LUZP2: variants seen among roughly 807,000 people sequenced by gnomAD.
LUZP2 encodes leucine zipper protein 2.
Under a neutral mutation model 51.6 loss-of-function variants are expected in LUZP2, and 52 were observed. The ratio of observed to expected loss-of-function variants is 1.01; its 90% CI spans 0.81 to 1.27. LUZP2 has a LOEUF of 1.27. Among genes scored for constraint, LUZP2 ranks in the 50% most tolerant of loss-of-function variants. LUZP2 has a pLI of 0.00. For synonymous variants in LUZP2, 154 were observed against 137.3 expected, an observed-to-expected ratio of 1.12 and a Z score of -0.85; for missense variants, 436 against 395.4, an observed-to-expected ratio of 1.10 and a Z score of -0.87.
At chr11:24,593,031 C>G (rs555802004) in intron 1 of LUZP2, among the ~76,000 whole-genome samples, 2 of 152,154 alleles carry the variant, frequency 1.3e-5, no homozygotes, top group South Asian at 4.1e-4. Context: ...TCGATTCTTT[C>G]TTTCCCCATA....
chr11:24,803,013 T>C (rs1003548733), intron 5 of LUZP2, among the ~76,000 whole-genome samples: 2 of 152,076 alleles, frequency 1.3e-5, no homozygotes, highest in Non-Finnish European at 2.9e-5. Flanking sequence ...ACCCAGTCTG[T>C]GGTATTTGTT....
intron 1 of LUZP2, among the ~76,000 whole-genome samples, chr11:24,518,777 A>C (rs1850554785): frequency 6.6e-6 from 1 of 152,222 alleles, no homozygotes; most frequent in Non-Finnish European, 1.5e-5. Context: ...ACAGTTTGCA[A>C]ACTGGGAAGA....
At position 24,674,348 on chromosome 11, in the gene LUZP2, G is replaced by A. The variant is rs927997266; in HGVS notation, c.63-54821G>A. On this transcript the variant is annotated intron_variant, in intron 1 of 11. Coordinates refer to ENST00000336930, the MANE Select transcript of LUZP2 (RefSeq NM_001009909.4). Reference sequence around the variant, plus strand: ...TCTTTCATCCTTTGGGTACTTTTATGTTCTGGTTACAGGATGAAATACGGT... The same window carrying A: ...TCTTTCATCCTTTGGGTACTTTTATATTCTGGTTACAGGATGAAATACGGT... 1.3e-4 allele frequency among the ~76,000 whole-genome samples: 20 copies of A among 152,088 alleles called. 1 individual carries two copies. The highest frequency in any genetic ancestry group is 7.9e-4 in the Admixed American group (12 of 15,260).
In LUZP2 at chr11:24,769,953, C is replaced by T. The variant is rs79574775; in HGVS notation, c.396+6645C>T. Reference sequence around the variant, plus strand: ...GACTATAGACATGCACCAGCACCCCCGGCTAAATTTTTGTATTTTCAGTAG... The same window carrying T: ...GACTATAGACATGCACCAGCACCCCTGGCTAAATTTTTGTATTTTCAGTAG... On this transcript the variant is annotated intron_variant, in intron 5 of 11. Transcript: ENST00000336930. Among the ~76,000 whole-genome samples, 20 of 151,968 alleles carry T rather than the reference C, an allele frequency of 1.3e-4. No homozygotes were observed. The East Asian group carries it at 2.1e-3, about 16-fold the overall frequency.
At chr11:24,703,692 T>A (rs1487009618) in intron 1 of LUZP2, among the ~76,000 whole-genome samples, 6 of 151,808 alleles carry the variant, frequency 4.0e-5, no homozygotes, top group Admixed American at 3.9e-4. Context: ...AGTTAAGTTT[T>A]GTAGTATGTG....
chr11:24,985,656 A>T (rs1856168052), intron 9 of LUZP2, among the ~76,000 whole-genome samples: 1 of 151,716 alleles, frequency 6.6e-6, no homozygotes, highest in South Asian at 2.1e-4. Flanking sequence ...GGAAATCAAG[A>T]ATAAAAGTCC....
At chr11:24,570,974 C>A (rs981955066) in intron 1 of LUZP2, among the ~76,000 whole-genome samples, 1 of 151,838 alleles carries the variant, frequency 6.6e-6, no homozygotes, top group Non-Finnish European at 1.5e-5. Flanking sequence ...AAAAAGTTAA[C>A]GTGAAAGTAA....
chr11:25,081,375 A>G lies in LUZP2; in HGVS notation c.*2717A>G, dbSNP rs1177508830. The G allele has an allele frequency of 6.6e-6, 1 of 151,766 alleles. No individual in the cohort carries two copies. Among genetic ancestry groups the G allele is most frequent in the Admixed American group, 6.6e-5 (1 of 15,232 alleles). 9.4% of individuals were successfully genotyped at this position (151,766 alleles called of 1,614,324 possible). A position where few individuals can be genotyped will look rare whatever the true frequency, so the allele number is the denominator to read the frequency against. Reference sequence around the variant, plus strand: ...CCTTTAAATATATATGGCATTATACATCCAGCAAAGTTTACTGTGTTATAC... The same window carrying G: ...CCTTTAAATATATATGGCATTATACGTCCAGCAAAGTTTACTGTGTTATAC... On this transcript the variant is annotated 3_prime_UTR_variant, in exon 12 of 12. Transcript: ENST00000336930.
intron 9 of LUZP2, among the ~76,000 whole-genome samples, chr11:25,008,656 T>G (rs2133954454): frequency 6.6e-6 from 1 of 152,258 alleles, no homozygotes; most frequent in East Asian, 1.9e-4. Flanking sequence ...GTTCCTGTCC[T>G]GGGACAAAGA....
At chr11:24,702,866 C>G (rs1328784771) in intron 1 of LUZP2, among the ~76,000 whole-genome samples, 1 of 152,072 alleles carries the variant, frequency 6.6e-6, no homozygotes, top group African/African-American at 2.4e-5. Flanking sequence ...TGAGTGCAAT[C>G]AAAGAGAAGG....
At chr11:24,872,889 T>C (rs537369435) in intron 5 of LUZP2, among the ~76,000 whole-genome samples, 127 of 152,298 alleles carry the variant, frequency 8.3e-4, no homozygotes, top group Admixed American at 2.0e-3. Context: ...TGACAGCTTG[T>C]AAATGGGAGA....
intron 7 of LUZP2, among the ~76,000 whole-genome samples, chr11:24,960,025 T>C (rs1855344814): frequency 6.6e-6 from 1 of 152,214 alleles, no homozygotes. Flanking sequence ...TTTTTGTCTT[T>C]GGTTCTGTTG....
At chr11:24,682,539 G>GTATATGTA (rs1554972900) in intron 1 of LUZP2, among the ~76,000 whole-genome samples, 1 of 141,764 alleles carries the variant, frequency 7.1e-6, no homozygotes, top group Admixed American at 7.0e-5. Context: ...GGTTCAGTGT[G>GTATATGTA]TATATGTATA....
chr11:24,562,843 C>A (rs1312130974), intron 1 of LUZP2, among the ~76,000 whole-genome samples: 2 of 138,482 alleles, frequency 1.4e-5, no homozygotes, highest in Non-Finnish European at 1.5e-5. Flanking sequence ...GCCTGGGTGA[C>A]AGAGTGAGAC....
intron 1 of LUZP2, among the ~76,000 whole-genome samples, chr11:24,642,825 A>T (rs1855338294): frequency 6.6e-6 from 1 of 152,044 alleles, no homozygotes; most frequent in Non-Finnish European, 1.5e-5. Flanking sequence ...TACTAAGAGG[A>T]TATATCAGGG....
chr11:25,016,790 C>T (rs770836500), intron 9 of LUZP2, among the ~76,000 whole-genome samples: 9 of 151,968 alleles, frequency 5.9e-5, no homozygotes, highest in Admixed American at 2.0e-4. Context: ...GGTAGATACA[C>T]GGTAGTGAGA....
chr11:24,755,614 G>A (rs993352444), intron 4 of LUZP2, among the ~76,000 whole-genome samples: 1 of 152,108 alleles, frequency 6.6e-6, no homozygotes, highest in Admixed American at 6.6e-5. Flanking sequence ...CTCAGCCAAC[G>A]GGATTCCAAA....
chr11:24,689,017 GA>G (rs1346246937), intron 1 of LUZP2, among the ~76,000 whole-genome samples: 1 of 152,142 alleles, frequency 6.6e-6, no homozygotes, highest in African/African-American at 2.4e-5. Context: ...TCCTTGGAGG[GA>G]GGAATTCAGC....
At chr11:24,954,783 G>A (rs963242883) in intron 7 of LUZP2, among the ~76,000 whole-genome samples, 7 of 151,974 alleles carry the variant, frequency 4.6e-5, no homozygotes, top group African/African-American at 1.2e-4. Flanking sequence ...ATCACAATGC[G>A]TGAAAGTACT....
Sources: gnomAD v4.1 joint callset for allele counts (sites outside exome capture counted in the v4.1 genomes callset) on GRCh38, gnomAD v4.1.1 for gene constraint, MANE v1.5 for transcripts, NCBI Gene and HGNC (gene_info 2026-07-23, HGNC 2026-07-21) for gene names.